MEOX2: variants seen among roughly 807,000 people sequenced by gnomAD.
The protein encoded by MEOX2 is homeobox protein MOX-2.
In MEOX2, 11 loss-of-function variants were observed where a neutral mutation model predicts 27.0. The ratio of observed to expected loss-of-function variants is 0.41; its 90% CI spans 0.26 to 0.68. The LOEUF (loss-of-function observed/expected upper bound fraction) is 0.68, where lower values mean the gene tolerates loss of function less well. MEOX2 is among the 30% of genes least tolerant of loss of function. The pLI is 0.33. For missense variants in MEOX2, 436 were observed against 385.4 expected (o/e 1.13, Z -1.10); for synonymous variants, 189 against 155.4 (o/e 1.22, Z -1.61).
At position 15,645,496 on chromosome 7, in the gene MEOX2, T is replaced by C. The variant is rs1206404841; in HGVS notation, c.518-18578A>G. On this transcript the variant is annotated intron_variant, in intron 1 of 2. Coordinates refer to ENST00000262041, the MANE Select transcript of MEOX2 (RefSeq NM_005924.5). ...AAAGAAACACCAAATTCGCCATGAC[T>C]GCAATAATATTTTTCTTTTAAGATG... Among the ~76,000 whole-genome samples the C allele has an allele frequency of 2.4e-4, 37 of 152,190 alleles. 2 individuals carry two copies. Among genetic ancestry groups the C allele is most frequent in the Admixed American group, 2.4e-3 (37 of 15,276 alleles).
Position 15,637,200 on chromosome 7 carries a change from G to A in MEOX2, c.518-10282C>T, listed in dbSNP as rs73679845. On this transcript the variant is annotated intron_variant, in intron 1 of 2. Transcript: ENST00000262041. ...TGTCCTACACCTATTTCTGATCTCT[G>A]CCAAGATAGTATATAATGATACGGC... Among the ~76,000 whole-genome samples the A allele has an allele frequency of 7.1e-3, 1,072 of 152,018 alleles. 11 individuals are homozygous for A. The highest frequency in any genetic ancestry group is 0.024 in the African/African-American group (977 of 41,500).
At chr7:15,619,701 T>C (rs536415717) in intron 2 of MEOX2, among the ~76,000 whole-genome samples, 2 of 152,198 alleles carry the variant, frequency 1.3e-5, no homozygotes, top group East Asian at 3.9e-4. Flanking sequence ...TATACATATG[T>C]CTACCTATCT....
intron 1 of MEOX2, among the ~76,000 whole-genome samples, chr7:15,657,953 G>A (rs534716404): frequency 6.6e-6 from 1 of 152,342 alleles, no homozygotes; most frequent in East Asian, 1.9e-4. Context: ...CTGAGCCTCA[G>A]TTTACATCAA....
chr7:15,686,079 G>T lies in MEOX2; in HGVS notation c.324C>A (p.Leu108=), dbSNP rs1384759810. ...GCCCTCCAGAGTCGGGCTGGAGGCA[G>T]AGGCTGTGCCGAGCCGCACTCGGTG... The part of the protein sequence containing the change: ...SSPPSAARHS[L]CLQPDSGGPP... Residue 108 remains leucine, a synonymous_variant, in exon 1 of 3, where the codon CTC becomes CTA. Coordinates refer to ENST00000262041, the MANE Select transcript of MEOX2 (RefSeq NM_005924.5). 23 of 1,593,376 alleles carry T rather than the reference G, an allele frequency of 1.4e-5. No individual in the cohort carries two copies. The highest frequency in any genetic ancestry group is 1.9e-5 in the Non-Finnish European group (22 of 1,171,894).
At chr7:15,631,231 CAA>C (rs372742398) in intron 1 of MEOX2, among the ~76,000 whole-genome samples, 3 of 141,720 alleles carry the variant, frequency 2.1e-5, no homozygotes, top group East Asian at 2.0e-4. Flanking sequence ...CTTCAAAATG[CAA>C]AAAAAAAAAA....
intron 1 of MEOX2, among the ~76,000 whole-genome samples, chr7:15,664,306 G>C (rs955202777): frequency 6.6e-6 from 1 of 152,092 alleles, no homozygotes; most frequent in Non-Finnish European, 1.5e-5. Flanking sequence ...GATCTTTCTA[G>C]TTGTTGTGGC....
chr7:15,671,824 C>G (rs1213950800), intron 1 of MEOX2, among the ~76,000 whole-genome samples: 1 of 152,054 alleles, frequency 6.6e-6, no homozygotes, highest in Non-Finnish European at 1.5e-5. Flanking sequence ...TGGGAGACCA[C>G]GAAGTGCTTA....
In MEOX2 at chr7:15,611,821, G is replaced by A. The variant is rs1047491021; in HGVS notation, c.*566C>T. ...TGCATTGCTAAATTAGTGAAGACAG[G>A]AAAATGACTTAAGGGTAATATATAC... On this transcript the variant is annotated 3_prime_UTR_variant, in exon 3 of 3. Coordinates refer to ENST00000262041, the MANE Select transcript of MEOX2 (RefSeq NM_005924.5). 4.5e-4 allele frequency: 69 copies of A among 153,252 alleles called. No individual in the cohort carries two copies. Among genetic ancestry groups the A allele is most frequent in the Non-Finnish European group, 5.8e-5 (4 of 68,616 alleles). 9.5% of individuals were successfully genotyped at this position (153,252 alleles called of 1,614,324 possible).
intron 1 of MEOX2, among the ~76,000 whole-genome samples, chr7:15,644,738 CT>C (rs1289176480): frequency 6.6e-6 from 1 of 152,164 alleles, no homozygotes; most frequent in African/African-American, 2.4e-5. Flanking sequence ...ATATATGAAT[CT>C]TTTTCTGGAG....
At chr7:15,683,603 C>T (rs1472057844) in intron 1 of MEOX2, among the ~76,000 whole-genome samples, 1 of 152,040 alleles carries the variant, frequency 6.6e-6, no homozygotes, top group Non-Finnish European at 1.5e-5. Context: ...ACACCTAATG[C>T]AATTGTTACA....
intron 1 of MEOX2, among the ~76,000 whole-genome samples, chr7:15,638,944 A>AT (rs1014959834): frequency 6.6e-6 from 1 of 152,116 alleles, no homozygotes; most frequent in African/African-American, 2.4e-5. Context: ...GATAAACATG[A>AT]TAAAAACAGG....
chr7:15,631,099 A>G (rs554570003), intron 1 of MEOX2, among the ~76,000 whole-genome samples: 6 of 152,050 alleles, frequency 3.9e-5, no homozygotes, highest in African/African-American at 1.2e-4. Flanking sequence ...GCCAGAAAAC[A>G]TCTATTATTT....
chr7:15,635,923 C>T (rs1025578585), intron 1 of MEOX2, among the ~76,000 whole-genome samples: 4 of 151,924 alleles, frequency 2.6e-5, no homozygotes, highest in Non-Finnish European at 5.9e-5. Flanking sequence ...ATTTCCTCTG[C>T]AAGTTTTATT....
At chr7:15,683,503 A>G (rs1023054145) in intron 1 of MEOX2, among the ~76,000 whole-genome samples, 1 of 152,126 alleles carries the variant, frequency 6.6e-6, no homozygotes, top group Admixed American at 6.5e-5. Flanking sequence ...TTAATAGCAT[A>G]CCAGGATCAT....
intron 1 of MEOX2, among the ~76,000 whole-genome samples, chr7:15,667,289 CAAAAAAAAAAAAA>C (rs532691969): frequency 2.4e-5 from 1 of 40,980 alleles, no homozygotes; most frequent in Non-Finnish European, 4.1e-5. Context: ...GACTCTGTCT[CAAAAAAAAAAAAA>C]AAAAAAAAAA....
chr7:15,635,543 G>T (rs1279847302), intron 1 of MEOX2, among the ~76,000 whole-genome samples: 1 of 151,994 alleles, frequency 6.6e-6, no homozygotes, highest in Non-Finnish European at 1.5e-5. Flanking sequence ...GTAGAACAAT[G>T]CCTACATATT....
At chr7:15,614,767 T>C (rs1016878374) in intron 2 of MEOX2, among the ~76,000 whole-genome samples, 3 of 152,164 alleles carry the variant, frequency 2.0e-5, no homozygotes, top group Non-Finnish European at 4.4e-5. Flanking sequence ...TAGAAATATT[T>C]TGAATATTCT....
intron 1 of MEOX2, among the ~76,000 whole-genome samples, chr7:15,629,660 C>T (rs992804392): frequency 2.0e-5 from 3 of 152,084 alleles, no homozygotes; most frequent in African/African-American, 7.2e-5. Context: ...TACTTTTACC[C>T]TTGTAGTGTG....
intron 1 of MEOX2, among the ~76,000 whole-genome samples, chr7:15,627,808 A>AACATACACACACACACACAC (rs1781338888): frequency 6.8e-6 from 1 of 147,296 alleles, no homozygotes; most frequent in Non-Finnish European, 1.5e-5. Flanking sequence ...ATCAATAGTA[A>AACATACACACACACACACAC]ACACACACAC....
Sources: gnomAD v4.1 joint callset for allele counts (sites outside exome capture counted in the v4.1 genomes callset) on GRCh38, gnomAD v4.1.1 for gene constraint, MANE v1.5 for transcripts, NCBI Gene and HGNC (gene_info 2026-07-23, HGNC 2026-07-21) for gene names.